RPS6KA2: variants seen among roughly 807,000 people sequenced by gnomAD.
The protein encoded by RPS6KA2 is ribosomal protein S6 kinase A2.
In RPS6KA2, 42 loss-of-function variants were observed where a neutral mutation model predicts 91.8. That is an observed-to-expected ratio of 0.46 (90% confidence interval 0.36 to 0.59). RPS6KA2 has a LOEUF of 0.59. Among genes scored for constraint, RPS6KA2 ranks in the 20% least tolerant of loss-of-function variants. The probability of loss-of-function intolerance (pLI) is 0.00; values close to 1 mark genes in which losing one functional copy is unlikely to be tolerated. For missense variants in RPS6KA2, 798 were observed against 978.5 expected (o/e 0.82, Z 2.46); for synonymous variants, 414 against 393.6 (o/e 1.05, Z -0.61).
At chr6:166,724,172 T>C (rs1790270165) in intron 2 of RPS6KA2, among the ~76,000 whole-genome samples, 1 of 152,214 alleles carries the variant, frequency 6.6e-6, no homozygotes, top group South Asian at 2.1e-4. Flanking sequence ...ATATTAAGTG[T>C]GTATGTGTGT....
intron 2 of RPS6KA2, among the ~76,000 whole-genome samples, chr6:166,747,764 A>T (rs2128596015): frequency 6.6e-6 from 1 of 152,348 alleles, no homozygotes; most frequent in Non-Finnish European, 1.5e-5. Flanking sequence ...ACTCAGGTCC[A>T]AGCTGCCTGA....
At chr6:166,450,201 G>A (rs1359598557) in intron 13 of RPS6KA2, among the ~76,000 whole-genome samples, 1 of 140,476 alleles carries the variant, frequency 7.1e-6, no homozygotes, top group Non-Finnish European at 1.6e-5. Flanking sequence ...GATCACCATG[G>A]GAGGCTACCC....
intron 8 of RPS6KA2, among the ~76,000 whole-genome samples, chr6:166,491,154 T>G (rs1013977177): frequency 2.6e-5 from 4 of 152,144 alleles, no homozygotes; most frequent in African/African-American, 9.7e-5. Flanking sequence ...TAGCTCATGT[T>G]GAACACCCAT....
chr6:166,810,537 AG>A (rs1562451504), intron 2 of RPS6KA2, among the ~76,000 whole-genome samples: 1 of 152,226 alleles, frequency 6.6e-6, no homozygotes, highest in South Asian at 2.1e-4. Context: ...CTAAAAAAAA[AG>A]TATCTTAAAT....
chr6:166,704,599 G>A (rs1232269431), intron 2 of RPS6KA2, among the ~76,000 whole-genome samples: 1 of 152,192 alleles, frequency 6.6e-6, no homozygotes, highest in Non-Finnish European at 1.5e-5. Flanking sequence ...GATGCCCATC[G>A]GCCCCAGGTT....
intron 2 of RPS6KA2, among the ~76,000 whole-genome samples, chr6:166,774,762 G>A (rs1778569075): frequency 6.6e-6 from 1 of 152,166 alleles, no homozygotes; most frequent in South Asian, 2.1e-4. Flanking sequence ...TCAGCATGAT[G>A]ACGATGTGGG....
In RPS6KA2 at chr6:166,514,194, C is replaced by T. The variant is rs1017715543; in HGVS notation, c.299-3837G>A. Reference sequence around the variant, plus strand: ...GGCCTCAAATTCCTTCCTCCCCCACCTCTTCTCCTGGCCCACTCCTTTCCC... The same window carrying T: ...GGCCTCAAATTCCTTCCTCCCCCACTTCTTCTCCTGGCCCACTCCTTTCCC... On this transcript the variant is annotated intron_variant, in intron 3 of 20. Transcript: ENST00000265678. 2.6e-5 allele frequency among the ~76,000 whole-genome samples: 4 copies of T among 152,224 alleles called. No homozygotes were observed. The South Asian group carries it at 6.2e-4, about 24-fold the overall frequency.
intron 2 of RPS6KA2, among the ~76,000 whole-genome samples, chr6:166,657,145 C>T (rs957007025): frequency 2.0e-5 from 3 of 152,088 alleles, no homozygotes; most frequent in Non-Finnish European, 4.4e-5. Flanking sequence ...TCCCAGGAGC[C>T]ACACGAGGAA....
chr6:166,498,563 A>G lies in RPS6KA2; in HGVS notation c.692T>C (p.Val231Ala), dbSNP rs367668575. ...GTIEYMAPEVVNRRGHTQSAD... is the reference protein window; with the variant it reads ...GTIEYMAPEVANRRGHTQSAD... ...ACTCTGCGTGTGTCCTCGCCGGTTC[A>G]CCACCTCGGGCGCCATGTACTCGAT... Residue 231 changes from valine (V) to alanine (A), a missense_variant, in exon 8 of 21, where the codon GTG (valine) becomes GCG (alanine). Val to Ala is a moderately conservative substitution (Grantham distance 64). Coordinates refer to ENST00000265678, the MANE Select transcript of RPS6KA2 (RefSeq NM_021135.6). 1.9e-6 allele frequency: 3 copies of G among 1,613,670 alleles called. No individual in the cohort carries two copies. The highest frequency in any genetic ancestry group is 1.6e-4 in the Middle Eastern group (1 of 6,078).
At position 166,538,959 on chromosome 6, in the gene RPS6KA2, G is replaced by A. The variant is rs150639694; in HGVS notation, c.100-175C>T. ...TTTTTTCTTTTTTTTTTCTTAAGAC[G>A]GAGTCTCACTCTGTCTCCCAGGCTG... On this transcript the variant is annotated intron_variant, in intron 1 of 20. Transcript: ENST00000265678. Among the ~76,000 whole-genome samples the A allele has an allele frequency of 9.6e-3, 1,456 of 151,034 alleles. 14 individuals carry two copies. Among genetic ancestry groups the A allele is most frequent in the Middle Eastern group, 0.024 (7 of 288 alleles).
chr6:166,717,759 A>G (rs1790052904), intron 2 of RPS6KA2, among the ~76,000 whole-genome samples: 1 of 152,214 alleles, frequency 6.6e-6, no homozygotes, highest in Non-Finnish European at 1.5e-5. Flanking sequence ...GGTGCCTCTC[A>G]CAATTAACTG....
intron 1 of RPS6KA2, among the ~76,000 whole-genome samples, chr6:166,621,059 A>G (rs544403737): frequency 5.9e-5 from 9 of 152,252 alleles, no homozygotes; most frequent in Non-Finnish European, 1.2e-4. Flanking sequence ...TTGCACACCA[A>G]GGCTCATAGA....
intron 2 of RPS6KA2, among the ~76,000 whole-genome samples, chr6:166,843,624 C>A (rs1278595950): frequency 6.6e-6 from 1 of 152,166 alleles, no homozygotes; most frequent in Non-Finnish European, 1.5e-5. Flanking sequence ...CAGTACCAGC[C>A]CAGAGCCAGT....
intron 2 of RPS6KA2, among the ~76,000 whole-genome samples, chr6:166,659,628 G>A (rs1262679372): frequency 6.6e-6 from 1 of 152,254 alleles, no homozygotes; most frequent in Non-Finnish European, 1.5e-5. Flanking sequence ...GTAAGGAGAA[G>A]GAGAGTCATC....
intron 2 of RPS6KA2, among the ~76,000 whole-genome samples, chr6:166,699,315 C>G (rs894363215): frequency 2.6e-5 from 4 of 152,032 alleles, no homozygotes; most frequent in Non-Finnish European, 5.9e-5. Context: ...GCCATCAGAT[C>G]CTAGTTAAGG....
At chr6:166,568,455 G>C (rs917084456) in intron 1 of RPS6KA2, among the ~76,000 whole-genome samples, 1 of 147,446 alleles carries the variant, frequency 6.8e-6, no homozygotes, top group African/African-American at 2.5e-5. Context: ...CTCTACTAAA[G>C]ATACAAAAAA....
chr6:166,761,911 G>A (rs1456898592), intron 2 of RPS6KA2, among the ~76,000 whole-genome samples: 1 of 152,212 alleles, frequency 6.6e-6, no homozygotes, highest in East Asian at 1.9e-4. Flanking sequence ...CTCATGGCGA[G>A]AACAAAGAGC....
intron 2 of RPS6KA2, among the ~76,000 whole-genome samples, chr6:166,720,400 T>C (rs1790139979): frequency 6.6e-6 from 1 of 152,146 alleles, no homozygotes; most frequent in Non-Finnish European, 1.5e-5. Flanking sequence ...AATAAAAGAA[T>C]GGATGGGTGA....
chr6:166,683,754 C>G (rs1308445555), intron 2 of RPS6KA2, among the ~76,000 whole-genome samples: 1 of 152,266 alleles, frequency 6.6e-6, no homozygotes, highest in Non-Finnish European at 1.5e-5. Context: ...CAGGGCCTCA[C>G]TCCACCGCTG....
Sources: allele counts gnomAD v4.1 joint callset (sites outside exome capture counted in the v4.1 genomes callset), GRCh38; gene constraint gnomAD v4.1.1; transcripts MANE v1.5; gene names NCBI Gene and HGNC (gene_info 2026-07-23, HGNC 2026-07-21).